CPNE4: variants seen among roughly 807,000 people sequenced by gnomAD.
CPNE4 encodes copine-4.
CPNE4 carries 25 observed loss-of-function variants against 67.9 expected under a neutral mutation model. That is an observed-to-expected ratio of 0.37 (90% CI 0.27 to 0.51). The LOEUF (loss-of-function observed/expected upper bound fraction) is 0.51, where lower values mean the gene tolerates loss of function less well. CPNE4 is among the 20% of genes least tolerant of loss of function. The pLI is 0.93. For synonymous variants in CPNE4, 242 were observed against 244.9 expected, an observed-to-expected ratio of 0.99 and a Z score of 0.11; for missense variants, 464 against 690.8, an observed-to-expected ratio of 0.67 and a Z score of 3.68.
chr3:131,896,328 C>T (rs891064140), intron 2 of CPNE4, among the ~76,000 whole-genome samples: 6 of 151,932 alleles, frequency 3.9e-5, no homozygotes, highest in African/African-American at 7.3e-5. Flanking sequence ...GGCTTCACTC[C>T]GATTACTATC....
intron 2 of CPNE4, among the ~76,000 whole-genome samples, chr3:131,768,817 C>A (rs1356821707): frequency 6.6e-6 from 1 of 152,122 alleles, no homozygotes; most frequent in Non-Finnish European, 1.5e-5. Flanking sequence ...ACTCAAGCCC[C>A]AAACTAGGCC....
At chr3:131,592,279 T>G (rs1430655061) in intron 7 of CPNE4, among the ~76,000 whole-genome samples, 2 of 152,208 alleles carry the variant, frequency 1.3e-5, no homozygotes, top group East Asian at 3.8e-4. Context: ...TATTGTATGC[T>G]TATTTTACAG....
intron 14 of CPNE4, among the ~76,000 whole-genome samples, chr3:131,548,980 A>G (rs1293782959): frequency 6.6e-6 from 1 of 152,182 alleles, no homozygotes; most frequent in Non-Finnish European, 1.5e-5. Flanking sequence ...AGCAGGAGAT[A>G]TTATTGAATG....
intron 3 of CPNE4, among the ~76,000 whole-genome samples, chr3:131,705,505 A>G (rs547298406): frequency 1.3e-5 from 2 of 152,312 alleles, no homozygotes; most frequent in South Asian, 4.1e-4. Flanking sequence ...TTGGTCTTTC[A>G]TTAATAGGTA....
At chr3:131,610,901 T>C (rs1502664) in intron 7 of CPNE4, among the ~76,000 whole-genome samples, 45,115 of 152,056 alleles carry the variant, frequency 0.3, 10,662 homozygotes, top group African/African-American at 0.66. Flanking sequence ...GCATTCTAGG[T>C]AGGTGAACAG....
At chr3:131,779,684 C>A (rs9864449) in intron 2 of CPNE4, among the ~76,000 whole-genome samples, 9 of 152,142 alleles carry the variant, frequency 5.9e-5, no homozygotes, top group Admixed American at 5.2e-4. Flanking sequence ...AAAATCAACT[C>A]AAGATGGATC....
At chr3:131,621,179 T>A (rs1410376927) in intron 7 of CPNE4, among the ~76,000 whole-genome samples, 3 of 152,044 alleles carry the variant, frequency 2.0e-5, no homozygotes, top group African/African-American at 7.2e-5. Context: ...ACCCATGGAG[T>A]TTCTGTTCCT....
intron 2 of CPNE4, among the ~76,000 whole-genome samples, chr3:131,731,337 T>C (rs1010336665): frequency 1.3e-5 from 2 of 152,154 alleles, no homozygotes; most frequent in African/African-American, 4.8e-5. Flanking sequence ...GAAATGAGTA[T>C]CCCCCGTAGG....
chr3:131,735,671 A>G (rs980850768), intron 2 of CPNE4, among the ~76,000 whole-genome samples: 1 of 152,248 alleles, frequency 6.6e-6, no homozygotes, highest in African/African-American at 2.4e-5. Flanking sequence ...ATACATCTCT[A>G]TTACATGTTT....
At chr3:131,835,448 G>T (rs2085517636) in intron 2 of CPNE4, among the ~76,000 whole-genome samples, 1 of 152,014 alleles carries the variant, frequency 6.6e-6, no homozygotes, top group African/African-American at 2.4e-5. Flanking sequence ...AGAATCGCTT[G>T]AACCTAGGAA....
intron 2 of CPNE4, among the ~76,000 whole-genome samples, chr3:131,760,547 C>G (rs114192198): frequency 6.6e-6 from 1 of 152,162 alleles, no homozygotes; most frequent in Non-Finnish European, 1.5e-5. Flanking sequence ...GTCATCTCAG[C>G]TCCAAATGTA....
chr3:131,856,548 TG>T (rs1210588998), intron 2 of CPNE4, among the ~76,000 whole-genome samples: 2 of 152,024 alleles, frequency 1.3e-5, no homozygotes, highest in African/African-American at 4.8e-5. Flanking sequence ...GTCTAGAAGA[TG>T]GGATGTTCAC....
At chr3:131,900,163 C>A (rs1402256446) in intron 2 of CPNE4, among the ~76,000 whole-genome samples, 1 of 151,952 alleles carries the variant, frequency 6.6e-6, no homozygotes, top group Non-Finnish European at 1.5e-5. Flanking sequence ...CTAATAATCT[C>A]ATCAAAAAAT....
At chr3:131,772,469 G>A (rs1013349930) in intron 2 of CPNE4, among the ~76,000 whole-genome samples, 1 of 152,128 alleles carries the variant, frequency 6.6e-6, no homozygotes, top group East Asian at 1.9e-4. Flanking sequence ...TCACATGCAA[G>A]GGAGTTTCAC....
At chr3:131,741,023 T>C (rs1355932448) in intron 2 of CPNE4, among the ~76,000 whole-genome samples, 1 of 152,188 alleles carries the variant, frequency 6.6e-6, no homozygotes, top group African/African-American at 2.4e-5. Context: ...CGTACTTAAA[T>C]GTCTTCTCAT....
intron 2 of CPNE4, among the ~76,000 whole-genome samples, chr3:131,820,369 C>T (rs1461167266): frequency 6.6e-6 from 1 of 152,148 alleles, no homozygotes. Context: ...CTGAAATGGC[C>T]AGGACATTTA....
At chr3:131,652,434 C>A (rs948550090) in intron 7 of CPNE4, among the ~76,000 whole-genome samples, 13 of 152,070 alleles carry the variant, frequency 8.5e-5, no homozygotes, top group Non-Finnish European at 1.3e-4. Flanking sequence ...TTGCCCATAC[C>A]GGGAAACCTC....
chr3:132,030,162 C>T (rs754656433), intron 1 of CPNE4, among the ~76,000 whole-genome samples: 55 of 152,210 alleles, frequency 3.6e-4, no homozygotes, highest in Admixed American at 8.5e-4. Context: ...ATCAGCAGTG[C>T]ACATGGTGCC....
intron 2 of CPNE4, among the ~76,000 whole-genome samples, chr3:131,780,147 T>A (rs937371322): frequency 1.3e-5 from 2 of 152,070 alleles, no homozygotes; most frequent in African/African-American, 4.8e-5. Flanking sequence ...CTCACATCAG[T>A]CAGAATAGCT....
Sources: allele counts gnomAD v4.1 joint callset (sites outside exome capture counted in the v4.1 genomes callset), GRCh38; gene constraint gnomAD v4.1.1; transcripts MANE v1.5; gene names NCBI Gene and HGNC (gene_info 2026-07-23, HGNC 2026-07-21).